Variants in ITGA8 observed in about 807,000 individuals in gnomAD.
ITGA8 encodes the protein integrin subunit alpha 8, also known as integrin alpha-8.
ITGA8 carries 91 observed loss-of-function variants against 142.3 expected under a neutral mutation model. The observed-to-expected ratio is 0.64, with a 90% confidence interval of 0.54 to 0.76. ITGA8 has a LOEUF of 0.76. Among genes scored for constraint, ITGA8 ranks in the 30% least tolerant of loss-of-function variants. The probability of loss-of-function intolerance (pLI) is 0.00; values close to 1 mark genes in which losing one functional copy is unlikely to be tolerated. For missense variants in ITGA8, 1,406 were observed against 1,327.7 expected (o/e 1.06, Z -0.92); for synonymous variants, 505 against 485.2 (o/e 1.04, Z -0.54).
intron 13 of ITGA8, among the ~76,000 whole-genome samples, chr10:15,618,860 A>G (rs1833441283): frequency 6.6e-6 from 1 of 152,178 alleles, no homozygotes; most frequent in African/African-American, 2.4e-5. Flanking sequence ...ATACTCCTTA[A>G]TAAATTCCCC....
intron 27 of ITGA8, among the ~76,000 whole-genome samples, chr10:15,535,531 A>T (rs966095672): frequency 6.6e-6 from 1 of 152,094 alleles, no homozygotes; most frequent in Non-Finnish European, 1.5e-5. Context: ...GGGTTTGTGA[A>T]TGCACCAATC....
intron 25 of ITGA8, among the ~76,000 whole-genome samples, chr10:15,566,096 G>A (rs1834074292): frequency 6.6e-6 from 1 of 152,088 alleles, no homozygotes; most frequent in Non-Finnish European, 1.5e-5. Context: ...CACTGTCTGC[G>A]GGCCCACTCA....
intron 14 of ITGA8, among the ~76,000 whole-genome samples, chr10:15,615,849 G>A (rs1833382100): frequency 1.3e-5 from 2 of 152,062 alleles, no homozygotes; most frequent in African/African-American, 4.8e-5. Flanking sequence ...CTAAAGTTGA[G>A]CACCACCTCT....
rs923612089 is a variant in ITGA8, at chr10:15,586,557, T to C, written c.2372+27A>G. 3.0e-6 allele frequency: 4 copies of C among 1,349,046 alleles called. No homozygotes were observed. The African/African-American group carries it at 4.3e-5, about 15-fold the overall frequency. 83.6% of individuals were successfully genotyped at this position (1,349,046 alleles called of 1,614,324 possible). A position where few individuals can be genotyped will look rare whatever the true frequency, so the allele number is the denominator to read the frequency against. On this transcript the variant is annotated intron_variant, in intron 23 of 29. Coordinates refer to ENST00000378076, the MANE Select transcript of ITGA8 (RefSeq NM_003638.3). ...TCTTAACTCTACATACAGAAGGATA[T>C]TGTACTATGCATTGCTTACTACTTA...
Position 15,515,466 on chromosome 10 carries a change from A to T in ITGA8, c.*1692T>A, listed in dbSNP as rs887121216. On this transcript the variant is annotated 3_prime_UTR_variant, in exon 30 of 30. Coordinates refer to ENST00000378076, the MANE Select transcript of ITGA8 (RefSeq NM_003638.3). ...GCTCCTCTCCAGCTTATGGCATGACATAAAATTTAGTGTCTGTGAGCTTGG... is the reference window on the plus strand; with the variant it reads ...GCTCCTCTCCAGCTTATGGCATGACTTAAAATTTAGTGTCTGTGAGCTTGG... 6.6e-6 allele frequency: 1 copy of T among 152,246 alleles called. No homozygotes were observed. The highest frequency in any genetic ancestry group is 1.5e-5 in the Non-Finnish European group (1 of 68,038). The allele number at this position is 152,246 out of a possible 1,614,324, so 9.4% of individuals were successfully genotyped here.
intron 22 of ITGA8, among the ~76,000 whole-genome samples, chr10:15,587,633 C>T (rs1219196919): frequency 1.3e-5 from 2 of 152,106 alleles, no homozygotes; most frequent in African/African-American, 4.8e-5. Context: ...CCACAATACC[C>T]TGAATATAGA....
chr10:15,696,808 G>C (rs1249949327), intron 2 of ITGA8, among the ~76,000 whole-genome samples: 1 of 140,444 alleles, frequency 7.1e-6, no homozygotes, highest in South Asian at 2.2e-4. Flanking sequence ...AGTAAGCTAC[G>C]ATAGTGCCAC....
At chr10:15,560,507 A>G in intron 25 of ITGA8, among the ~76,000 whole-genome samples, 1 of 152,220 alleles carries the variant, frequency 6.6e-6, no homozygotes, top group East Asian at 1.9e-4. Flanking sequence ...ATGAAAACAA[A>G]TATTGATGTT....
intron 2 of ITGA8, among the ~76,000 whole-genome samples, chr10:15,702,490 C>T (rs1324354480): frequency 6.6e-6 from 1 of 152,076 alleles, no homozygotes; most frequent in Admixed American, 6.5e-5. Context: ...GGGGTTTCAC[C>T]ATGTTGGTCA....
At chr10:15,588,665 T>TA (rs1832872849) in intron 22 of ITGA8, among the ~76,000 whole-genome samples, 1 of 152,192 alleles carries the variant, frequency 6.6e-6, no homozygotes, top group Non-Finnish European at 1.5e-5. Flanking sequence ...AAATTAGAAT[T>TA]ACGAAAAAAC....
chr10:15,697,433 C>G (rs1044668644), intron 2 of ITGA8, among the ~76,000 whole-genome samples: 8 of 152,202 alleles, frequency 5.3e-5, no homozygotes, highest in African/African-American at 1.9e-4. Flanking sequence ...TCCCTCCTCC[C>G]CGTCCAGAGG....
chr10:15,528,745 T>C (rs1387470348), intron 28 of ITGA8, among the ~76,000 whole-genome samples: 1 of 152,162 alleles, frequency 6.6e-6, no homozygotes, highest in East Asian at 1.9e-4. Flanking sequence ...GCTATAAGCC[T>C]TTGAACATTT....
intron 2 of ITGA8, among the ~76,000 whole-genome samples, chr10:15,713,347 C>CT (rs1046495717): frequency 9.2e-5 from 14 of 152,140 alleles, no homozygotes; most frequent in Non-Finnish European, 1.8e-4. Flanking sequence ...CACACTGCTT[C>CT]TTTTTTTCTG....
chr10:15,669,589 G>C (rs1834468502), intron 8 of ITGA8, among the ~76,000 whole-genome samples: 1 of 152,198 alleles, frequency 6.6e-6, no homozygotes, highest in Non-Finnish European at 1.5e-5. Context: ...GAGGAGGAGA[G>C]GTGCTCTGAT....
At chr10:15,594,371 C>A (rs1196883349) in intron 21 of ITGA8, among the ~76,000 whole-genome samples, 1 of 152,210 alleles carries the variant, frequency 6.6e-6, no homozygotes, top group East Asian at 1.9e-4. Flanking sequence ...ACTCTTCCAC[C>A]ACTCAACTTA....
chr10:15,611,055 A>G (rs1405465414), intron 15 of ITGA8, among the ~76,000 whole-genome samples: 1 of 152,244 alleles, frequency 6.6e-6, no homozygotes, highest in East Asian at 1.9e-4. Context: ...ATGGAAGTGA[A>G]GAACTATTTG....
At position 15,563,271 on chromosome 10, in the gene ITGA8, C is replaced by T. The variant is rs554696873; in HGVS notation, c.2638-5069G>A. 7.2e-5 allele frequency among the ~76,000 whole-genome samples: 11 copies of T among 152,224 alleles called. No homozygotes were observed. In the South Asian group the frequency reaches 2.1e-3, roughly 29 times the overall value. On this transcript the variant is annotated intron_variant, in intron 25 of 29. Coordinates refer to ENST00000378076, the MANE Select transcript of ITGA8 (RefSeq NM_003638.3). ...GTATTTCTAGCCAGGCAAGAATGGC[C>T]TAATACAGATGCCCAGTGATGGAGG...
intron 23 of ITGA8, among the ~76,000 whole-genome samples, 171 bp downstream of exon 23, chr10:15,586,413 T>C (rs576060008): frequency 1.3e-5 from 2 of 152,308 alleles, no homozygotes; most frequent in South Asian, 4.1e-4. Flanking sequence ...TAGGGTTTAC[T>C]CTGCTTTCCA....
chr10:15,675,872 A>G lies in ITGA8; in HGVS notation c.676+1720T>C, dbSNP rs115080013. On this transcript the variant is annotated intron_variant, in intron 6 of 29. Coordinates refer to ENST00000378076, the MANE Select transcript of ITGA8 (RefSeq NM_003638.3). ...AACCTGAATAAAATTTTAAATTTCT[A>G]TGTCTCAGACAAATGCTTGTATATG... is the stretch of plus-strand genomic sequence containing the variant. Among the ~76,000 whole-genome samples, 1,202 of 152,280 alleles carry G rather than the reference A, an allele frequency of 7.9e-3. 6 individuals carry two copies. The highest frequency in any genetic ancestry group is 0.018 in the African/African-American group (732 of 41,570).
Sources: gnomAD v4.1 joint callset for allele counts (sites outside exome capture counted in the v4.1 genomes callset) on GRCh38, gnomAD v4.1.1 for gene constraint, MANE v1.5 for transcripts, NCBI Gene and HGNC (gene_info 2026-07-23, HGNC 2026-07-21) for gene names.